Variants in GRXCR2 observed in about 807,000 individuals in gnomAD.
GRXCR2 encodes the protein glutaredoxin and cysteine rich domain containing 2, also known as glutaredoxin domain-containing cysteine-rich protein 2.
GRXCR2 carries 23 observed loss-of-function variants against 24.8 expected under a neutral mutation model. That is an observed-to-expected ratio of 0.93 (90% CI 0.67 to 1.32). The LOEUF is 1.32. GRXCR2 is among the 40% of genes most tolerant of loss of function. The pLI is 0.00. For missense variants in GRXCR2, 315 were observed against 303.4 expected (o/e 1.04, Z -0.28); for synonymous variants, 130 against 116.1 (o/e 1.12, Z -0.77).
intron 2 of GRXCR2, among the ~76,000 whole-genome samples, chr5:145,883,425 AT>A (rs1295772604): frequency 7.2e-5 from 11 of 152,172 alleles, no homozygotes; most frequent in Non-Finnish European, 2.9e-5. Flanking sequence ...AACATTTTGC[AT>A]TTTTACTTTG....
intron 2 of GRXCR2, among the ~76,000 whole-genome samples, chr5:145,926,094 A>G (rs1296813126): frequency 6.6e-6 from 1 of 152,138 alleles, no homozygotes; most frequent in Non-Finnish European, 1.5e-5. Flanking sequence ...ACATTTACTG[A>G]TTTCATCAGA....
downstream of GRXCR2, chr5:145,858,489 A>C (rs1756277996): frequency 6.6e-6 from 1 of 152,200 alleles, no homozygotes; most frequent in South Asian, 2.1e-4. Context: ...CTGAGTATGA[A>C]AGGACAGGCA....
At chr5:145,867,335 C>T (rs1423488156) in intron 1 of GRXCR2, among the ~76,000 whole-genome samples, 2 of 152,142 alleles carry the variant, frequency 1.3e-5, no homozygotes, top group African/African-American at 4.8e-5. Context: ...AGAATTGGAA[C>T]CCAAGTCTGT....
chr5:145,893,025 C>T (rs1161433615), intron 2 of GRXCR2, among the ~76,000 whole-genome samples: 1 of 152,082 alleles, frequency 6.6e-6, no homozygotes, highest in African/African-American at 2.4e-5. Context: ...TCATATCCAG[C>T]CAAACTAAGC....
At chr5:145,894,071 T>C (rs1756911315) in intron 2 of GRXCR2, among the ~76,000 whole-genome samples, 1 of 152,136 alleles carries the variant, frequency 6.6e-6, no homozygotes, top group South Asian at 2.1e-4. Context: ...AATAAAGATG[T>C]TCTTTGAAAC....
intron 2 of GRXCR2, among the ~76,000 whole-genome samples, chr5:145,883,559 G>A (rs1033704834): frequency 1.3e-5 from 2 of 152,120 alleles, no homozygotes; most frequent in Non-Finnish European, 2.9e-5. Flanking sequence ...GATTACTCAG[G>A]ATTGTACCCA....
intron 1 of GRXCR2, 69 bp downstream of exon 1, chr5:145,872,564 T>G: frequency 2.3e-6 from 3 of 1,329,764 alleles, no homozygotes; most frequent in Admixed American, 2.3e-5. Flanking sequence ...CTGAACCATT[T>G]AGGAGTTTCT....
At chr5:145,919,690 C>T (rs1003416813) in intron 2 of GRXCR2, among the ~76,000 whole-genome samples, 11 of 152,018 alleles carry the variant, frequency 7.2e-5, no homozygotes, top group Admixed American at 6.6e-4. Context: ...GAGGTGTCAC[C>T]GTGCCCCTTA....
chr5:145,923,058 C>A (rs1757347701), intron 2 of GRXCR2, among the ~76,000 whole-genome samples: 1 of 152,224 alleles, frequency 6.6e-6, no homozygotes, highest in African/African-American at 2.4e-5. Context: ...AATGCATAAG[C>A]CCCACTCAAT....
At chr5:145,925,630 T>C (rs1417570876) in intron 2 of GRXCR2, among the ~76,000 whole-genome samples, 1 of 152,160 alleles carries the variant, frequency 6.6e-6, no homozygotes, top group Non-Finnish European at 1.5e-5. Flanking sequence ...CAGACACAAA[T>C]TAATGACACA....
At chr5:145,894,353 T>C (rs1409273808) in intron 2 of GRXCR2, among the ~76,000 whole-genome samples, 2 of 152,090 alleles carry the variant, frequency 1.3e-5, no homozygotes, top group Admixed American at 6.5e-5. Context: ...AGCTGGTTTT[T>C]TGAAAAGATC....
chr5:145,868,847 G>A lies in GRXCR2; in HGVS notation c.337-2119C>T, dbSNP rs1007575206. ...GGTGTGTTTAAGTTTTAGTTACCCTGATAGGCAAATTCTTCCTTGTGTCTA... is the reference window on the plus strand; with the variant it reads ...GGTGTGTTTAAGTTTTAGTTACCCTAATAGGCAAATTCTTCCTTGTGTCTA... On this transcript the variant is annotated intron_variant, in intron 1 of 2. Coordinates refer to ENST00000377976, the MANE Select transcript of GRXCR2 (RefSeq NM_001080516.2). Among the ~76,000 whole-genome samples, 5 of 152,190 alleles carry A rather than the reference G, an allele frequency of 3.3e-5. No homozygotes were observed. The East Asian group carries it at 9.6e-4, about 29-fold the overall frequency.
intron 2 of GRXCR2, among the ~76,000 whole-genome samples, chr5:145,882,250 A>G (rs1279428842): frequency 6.6e-6 from 1 of 152,190 alleles, no homozygotes; most frequent in Non-Finnish European, 1.5e-5. Context: ...AGAATGGGAG[A>G]AAATTTTTGC....
At chr5:145,922,155 C>T (rs1448083560) in intron 2 of GRXCR2, among the ~76,000 whole-genome samples, 2 of 152,194 alleles carry the variant, frequency 1.3e-5, no homozygotes, top group Non-Finnish European at 2.9e-5. Context: ...CATACTCCAG[C>T]CCCAAAGCCT....
At chr5:145,869,889 CACA>C (rs1445137517) in intron 1 of GRXCR2, among the ~76,000 whole-genome samples, 3 of 152,006 alleles carry the variant, frequency 2.0e-5, no homozygotes, top group South Asian at 2.1e-4. Context: ...TTAAAATCAT[CACA>C]ACAACTCTTA....
At chr5:145,862,290 A>G (rs1756351686) in intron 2 of GRXCR2, among the ~76,000 whole-genome samples, 1 of 152,210 alleles carries the variant, frequency 6.6e-6, no homozygotes, top group African/African-American at 2.4e-5. Context: ...TTCTGTAGAG[A>G]ATAAGAACAC....
upstream of GRXCR2, among the ~76,000 whole-genome samples, chr5:145,876,954 T>G (rs868492761): frequency 1.3e-5 from 2 of 152,136 alleles, no homozygotes; most frequent in Middle Eastern, 3.2e-3. Flanking sequence ...CATGGCAAAA[T>G]GCTAGTATCA....
intron 2 of GRXCR2, among the ~76,000 whole-genome samples, chr5:145,879,370 CAAA>C (rs144743619): frequency 7.0e-5 from 7 of 99,576 alleles, no homozygotes; most frequent in Non-Finnish European, 6.3e-5. Context: ...AAATGCACAG[CAAA>C]AAAAAAAAAA....
At chr5:145,921,917 G>A (rs1052909820) in intron 2 of GRXCR2, among the ~76,000 whole-genome samples, 7 of 152,028 alleles carry the variant, frequency 4.6e-5, no homozygotes, top group Admixed American at 4.6e-4. Context: ...TTAAAGGCAT[G>A]GTATTTTTAA....
Sources: allele counts gnomAD v4.1 joint callset (sites outside exome capture counted in the v4.1 genomes callset), GRCh38; gene constraint gnomAD v4.1.1; transcripts MANE v1.5; gene names NCBI Gene and HGNC (gene_info 2026-07-23, HGNC 2026-07-21).